Variants in B3GALT1 observed in about 807,000 individuals in gnomAD.
B3GALT1 encodes UDP-Gal:betaGlcNAc beta 1,3-galactosyltransferase, polypeptide 1.
Under a neutral mutation model 23.2 loss-of-function variants are expected in B3GALT1, and 10 were observed. The ratio of observed to expected loss-of-function variants is 0.43; its 90% CI spans 0.27 to 0.73. The LOEUF is 0.73. B3GALT1 is among the 30% of genes least tolerant of loss of function. The probability of loss-of-function intolerance (pLI) is 0.21; values close to 1 mark genes in which losing one functional copy is unlikely to be tolerated. For missense variants in B3GALT1, 299 were observed against 405.4 expected (o/e 0.74, Z 2.25); for synonymous variants, 156 against 141.5 (o/e 1.10, Z -0.73).
At chr2:167,353,668 A>G (rs1484130758) in intron 1 of B3GALT1, among the ~76,000 whole-genome samples, 1 of 152,152 alleles carries the variant, frequency 6.6e-6, no homozygotes, top group African/African-American at 2.4e-5. Flanking sequence ...CTAGTATGTT[A>G]GACAAATAAC....
intron 3 of B3GALT1, among the ~76,000 whole-genome samples, chr2:167,809,756 G>C (rs113261941): frequency 2.6e-5 from 4 of 152,342 alleles, no homozygotes; most frequent in African/African-American, 9.6e-5. Flanking sequence ...GAGGCAGTCT[G>C]TCTGTTCTCA....
At chr2:167,654,810 T>C (rs996315749) in intron 3 of B3GALT1, among the ~76,000 whole-genome samples, 7 of 151,876 alleles carry the variant, frequency 4.6e-5, no homozygotes, top group African/African-American at 7.3e-5. Flanking sequence ...TCTTTTTTTT[T>C]TTTTTCCACT....
intron 1 of B3GALT1, among the ~76,000 whole-genome samples, chr2:167,351,462 T>C (rs1347445354): frequency 6.6e-6 from 1 of 152,154 alleles, no homozygotes; most frequent in Non-Finnish European, 1.5e-5. Flanking sequence ...AAAATAAGCC[T>C]TGGCAATTTT....
At chr2:167,443,143 A>G (rs1258754872) in intron 1 of B3GALT1, among the ~76,000 whole-genome samples, 3 of 151,788 alleles carry the variant, frequency 2.0e-5, no homozygotes, top group African/African-American at 7.3e-5. Flanking sequence ...TCCTTTCCCC[A>G]TTGCTTGTTT....
chr2:167,446,059 G>T (rs970231041), intron 1 of B3GALT1, among the ~76,000 whole-genome samples: 1 of 152,192 alleles, frequency 6.6e-6, no homozygotes, highest in Admixed American at 6.5e-5. Context: ...GGCAGACCTG[G>T]TGGTGACAAA....
chr2:167,343,875 G>T (rs1157764410), intron 1 of B3GALT1, among the ~76,000 whole-genome samples: 1 of 152,098 alleles, frequency 6.6e-6, no homozygotes, highest in African/African-American at 2.4e-5. Flanking sequence ...CAAAAGATAG[G>T]AAAAGATCTG....
chr2:167,690,629 C>A (rs533518981), intron 3 of B3GALT1, among the ~76,000 whole-genome samples: 1 of 152,182 alleles, frequency 6.6e-6, no homozygotes, highest in Admixed American at 6.5e-5. Flanking sequence ...TTATTTGATA[C>A]CTTCGGCAAT....
At chr2:167,480,604 AAAAC>A (rs1304538630) in intron 1 of B3GALT1, among the ~76,000 whole-genome samples, 16 of 152,272 alleles carry the variant, frequency 1.1e-4, no homozygotes, top group East Asian at 3.9e-4. Flanking sequence ...AAAAAAACAA[AAAAC>A]AAACAAACAA....
In B3GALT1 at chr2:167,372,118, TAATG is replaced by T. The variant is rs371363202; in HGVS notation, c.-511+78788_-511+78791del. Reference sequence around the variant, plus strand: ...TGCTATTGGCTAATTTTTATACTAATAATGAATAAAAGGGTAAAATACCATGGTT... The same window carrying T: ...TGCTATTGGCTAATTTTTATACTAATAATAAAAGGGTAAAATACCATGGTT... On this transcript the variant is annotated intron_variant, in intron 1 of 4. Coordinates refer to ENST00000392690, the MANE Select transcript of B3GALT1 (RefSeq NM_020981.4). 1.1e-3 allele frequency among the ~76,000 whole-genome samples: 166 copies of T among 152,054 alleles called. 3 individuals are homozygous for T. In the South Asian group the frequency reaches 0.021, roughly 19 times the overall value.
intron 1 of B3GALT1, among the ~76,000 whole-genome samples, chr2:167,309,765 G>T (rs1413843727): frequency 6.6e-6 from 1 of 151,960 alleles, no homozygotes. Context: ...TAATAATATG[G>T]TACTTTCATT....
At chr2:167,840,964 G>T (rs1194834342) in intron 4 of B3GALT1, among the ~76,000 whole-genome samples, 1 of 144,366 alleles carries the variant, frequency 6.9e-6, no homozygotes, top group Non-Finnish European at 1.5e-5. Flanking sequence ...TCATAGGTGG[G>T]AATTGAACAA....
intron 1 of B3GALT1, among the ~76,000 whole-genome samples, chr2:167,315,723 C>T (rs1191507201): frequency 1.3e-5 from 2 of 152,174 alleles, no homozygotes; most frequent in African/African-American, 4.8e-5. Context: ...TACTCCATCT[C>T]ACAGACCTGA....
chr2:167,657,905 A>C (rs1574194605), intron 3 of B3GALT1, among the ~76,000 whole-genome samples: 1 of 152,144 alleles, frequency 6.6e-6, no homozygotes, highest in African/African-American at 2.4e-5. Flanking sequence ...ATTATTTTTC[A>C]TACTCTTTAA....
At chr2:167,520,309 C>T (rs1700169356) in intron 2 of B3GALT1, among the ~76,000 whole-genome samples, 1 of 97,416 alleles carries the variant, frequency 1.0e-5, no homozygotes, top group Admixed American at 1.0e-4. Flanking sequence ...GCCCTTTATA[C>T]ATTTTTTTAA....
intron 3 of B3GALT1, among the ~76,000 whole-genome samples, chr2:167,738,442 A>C (rs1687525251): frequency 6.6e-6 from 1 of 152,152 alleles, no homozygotes; most frequent in African/African-American, 2.4e-5. Context: ...GACAGGACCC[A>C]CTCAGAAAAT....
chr2:167,375,748 T>G (rs536660886), intron 1 of B3GALT1, among the ~76,000 whole-genome samples: 1 of 152,162 alleles, frequency 6.6e-6, no homozygotes, highest in Admixed American at 6.6e-5. Flanking sequence ...GGCAGAGTCC[T>G]TAGGGTTTTC....
At chr2:167,548,103 T>C (rs1173926232) in intron 2 of B3GALT1, among the ~76,000 whole-genome samples, 2 of 152,168 alleles carry the variant, frequency 1.3e-5, no homozygotes, top group South Asian at 2.1e-4. Flanking sequence ...GATAGAATTA[T>C]AGAAGTTCAA....
chr2:167,604,322 C>T (rs1385494005), intron 2 of B3GALT1, among the ~76,000 whole-genome samples: 1 of 152,094 alleles, frequency 6.6e-6, no homozygotes, highest in Non-Finnish European at 1.5e-5. Flanking sequence ...GAATTTGCTC[C>T]ACGGGAAGTA....
chr2:167,606,818 T>C (rs1221122587), intron 2 of B3GALT1, among the ~76,000 whole-genome samples: 2 of 152,176 alleles, frequency 1.3e-5, no homozygotes, highest in South Asian at 2.1e-4. Context: ...TCTTTACAGG[T>C]AAATTTTGCC....
Sources: gnomAD v4.1 joint callset for allele counts (sites outside exome capture counted in the v4.1 genomes callset) on GRCh38, gnomAD v4.1.1 for gene constraint, MANE v1.5 for transcripts, NCBI Gene and HGNC (gene_info 2026-07-23, HGNC 2026-07-21) for gene names.